Variants in TMC1 observed in about 807,000 individuals in gnomAD.
TMC1 encodes transmembrane channel-like protein 1.
Under a neutral mutation model 105.8 loss-of-function variants are expected in TMC1, and 84 were observed. That is an observed-to-expected ratio of 0.79 (90% CI 0.67 to 0.95). The LOEUF (loss-of-function observed/expected upper bound fraction) is 0.95, where lower values mean the gene tolerates loss of function less well. TMC1 is among the 40% of genes least tolerant of loss of function. TMC1 has a pLI of 0.00. For missense variants in TMC1, 817 were observed against 914.1 expected (o/e 0.89, Z 1.37); for synonymous variants, 315 against 311.5 (o/e 1.01, Z -0.12).
At chr9:72,623,479 AT>A (rs1250829014) in intron 3 of TMC1, among the ~76,000 whole-genome samples, 1 of 152,134 alleles carries the variant, frequency 6.6e-6, no homozygotes, top group East Asian at 1.9e-4. Context: ...CAGTGGGGAC[AT>A]TAATGTGTTT....
At chr9:72,769,487 A>G (rs576803098) in intron 12 of TMC1, among the ~76,000 whole-genome samples, 1 of 152,330 alleles carries the variant, frequency 6.6e-6, no homozygotes, top group African/African-American at 2.4e-5. Flanking sequence ...TTCCCTCTCA[A>G]GAGAAGGAAG....
At chr9:72,529,545 G>A (rs1017036378) in intron 1 of TMC1, among the ~76,000 whole-genome samples, 3 of 152,092 alleles carry the variant, frequency 2.0e-5, no homozygotes, top group African/African-American at 7.2e-5. Context: ...TAGGAAATGT[G>A]TATATATGTG....
At chr9:72,646,106 T>G (rs1193583469) in intron 4 of TMC1, among the ~76,000 whole-genome samples, 1 of 152,244 alleles carries the variant, frequency 6.6e-6, no homozygotes, top group East Asian at 1.9e-4. Flanking sequence ...TTTGTGAATA[T>G]TCCAAAATTA....
At chr9:72,815,793 T>C (rs1197930695) in intron 18 of TMC1, among the ~76,000 whole-genome samples, 4 of 152,204 alleles carry the variant, frequency 2.6e-5, no homozygotes, top group African/African-American at 7.2e-5. Flanking sequence ...AGAAGTTTTC[T>C]TACAGAATCA....
chr9:72,783,479 C>G (rs1828124267), intron 13 of TMC1, among the ~76,000 whole-genome samples: 1 of 152,130 alleles, frequency 6.6e-6, no homozygotes, highest in African/African-American at 2.4e-5. Flanking sequence ...AGCCAGCTTA[C>G]CCCACTTTCT....
Position 72,579,485 on chromosome 9 carries a change from C to T in TMC1, c.-306+1462C>T, listed in dbSNP as rs531277480. On this transcript the variant is annotated intron_variant, in intron 2 of 23. Coordinates refer to ENST00000297784, the MANE Select transcript of TMC1 (RefSeq NM_138691.3). ...AAATCTCCACTTCTAAATGGCTCTC[C>T]GGTTGATTCTGATGCCAGTCCAGGG... Among the ~76,000 whole-genome samples, 8 of 152,288 alleles carry T rather than the reference C, an allele frequency of 5.3e-5. No individual in the cohort carries two copies. The South Asian group carries it at 1.0e-3, about 20-fold the overall frequency.
At chr9:72,833,905 T>C (rs1307703578) in intron 23 of TMC1, among the ~76,000 whole-genome samples, 3 of 152,142 alleles carry the variant, frequency 2.0e-5, no homozygotes, top group African/African-American at 7.2e-5. Flanking sequence ...TGTTCAGAAT[T>C]TCATGATGGT....
chr9:72,579,741 C>T (rs1395993706), intron 2 of TMC1, among the ~76,000 whole-genome samples: 1 of 151,972 alleles, frequency 6.6e-6, no homozygotes, highest in Non-Finnish European at 1.5e-5. Flanking sequence ...GAAAACAATA[C>T]TTGGGTGCAG....
chr9:72,610,846 A>T (rs574542776), intron 2 of TMC1, among the ~76,000 whole-genome samples: 45 of 152,264 alleles, frequency 3.0e-4, no homozygotes, highest in Non-Finnish European at 5.3e-4. Flanking sequence ...CAAGAGAGAA[A>T]GGCTAGAAAA....
chr9:72,537,755 A>C (rs7024157), intron 1 of TMC1, among the ~76,000 whole-genome samples: 81,515 of 152,034 alleles, frequency 0.54, 23,067 homozygotes, highest in African/African-American at 0.73. Context: ...CAAGACATCT[A>C]CAAGTGGGGG....
chr9:72,774,761 A>G (rs1827981604), intron 13 of TMC1, among the ~76,000 whole-genome samples: 1 of 152,164 alleles, frequency 6.6e-6, no homozygotes, highest in East Asian at 1.9e-4. Flanking sequence ...TCACTCCACC[A>G]CCAGCCCATG....
intron 4 of TMC1, among the ~76,000 whole-genome samples, chr9:72,628,561 G>A (rs1240512345): frequency 6.6e-6 from 1 of 152,172 alleles, no homozygotes; most frequent in African/African-American, 2.4e-5. Context: ...TTTCAACAGG[G>A]CAGATTTCAT....
chr9:72,777,624 A>C (rs907132153), intron 13 of TMC1, among the ~76,000 whole-genome samples: 4 of 152,210 alleles, frequency 2.6e-5, no homozygotes, highest in Admixed American at 6.5e-5. Context: ...ACATGAAGTC[A>C]CCACCTTCCA....
At chr9:72,787,971 C>T (rs868206953) in intron 13 of TMC1, among the ~76,000 whole-genome samples, 8 of 152,026 alleles carry the variant, frequency 5.3e-5, no homozygotes, top group Non-Finnish European at 7.4e-5. Context: ...TTTCTTTTCC[C>T]CTGGGGAGGG....
chr9:72,775,089 T>G (rs1234190095), intron 13 of TMC1, among the ~76,000 whole-genome samples: 1 of 152,152 alleles, frequency 6.6e-6, no homozygotes, highest in Non-Finnish European at 1.5e-5. Flanking sequence ...TAGTTTGAAA[T>G]TTTAAGATAA....
chr9:72,784,378 C>T (rs148363450), intron 13 of TMC1, among the ~76,000 whole-genome samples: 117 of 152,048 alleles, frequency 7.7e-4, no homozygotes, highest in African/African-American at 2.7e-3. Context: ...CAATGAGATA[C>T]TATCTCACAC....
intron 4 of TMC1, among the ~76,000 whole-genome samples, chr9:72,641,810 C>CTTTTTTTTT (rs896125209): frequency 5.7e-5 from 5 of 86,996 alleles, no homozygotes; most frequent in South Asian, 3.9e-4. Context: ...AGTCCCAAAT[C>CTTTTTTTTT]TTTTTTTTTT....
At chr9:72,777,978 C>T (rs1044638592) in intron 13 of TMC1, among the ~76,000 whole-genome samples, 1 of 152,118 alleles carries the variant, frequency 6.6e-6, no homozygotes, top group African/African-American at 2.4e-5. Context: ...TGTGGAACAC[C>T]TAGAATGGGT....
intron 2 of TMC1, among the ~76,000 whole-genome samples, chr9:72,603,386 TACACACACAC>T (rs10584160): frequency 3.6e-4 from 53 of 145,338 alleles, no homozygotes; most frequent in African/African-American, 1.3e-3. Flanking sequence ...CTCTCCCCAC[TACACACACAC>T]ACACACACAC....
Sources: gnomAD v4.1 joint callset for allele counts (sites outside exome capture counted in the v4.1 genomes callset) on GRCh38, gnomAD v4.1.1 for gene constraint, MANE v1.5 for transcripts, NCBI Gene and HGNC (gene_info 2026-07-23, HGNC 2026-07-21) for gene names.